Variants in NECTIN1 observed in about 807,000 individuals in gnomAD.
The protein encoded by NECTIN1 is nectin-1.
Under a neutral mutation model 48.0 loss-of-function variants are expected in NECTIN1, and 23 were observed. That is an observed-to-expected ratio of 0.48 (90% CI 0.34 to 0.68). The LOEUF is 0.68. Among genes scored for constraint, NECTIN1 ranks in the 30% least tolerant of loss-of-function variants. The pLI is 0.01. For synonymous variants in NECTIN1, 270 were observed against 288.9 expected (o/e 0.93, Z 0.66); for missense variants, 591 against 709.9 (o/e 0.83, Z 1.90).
intron 1 of NECTIN1, among the ~76,000 whole-genome samples, chr11:119,695,649 G>A (rs1865330195): frequency 6.6e-6 from 1 of 152,198 alleles, no homozygotes; most frequent in Non-Finnish European, 1.5e-5. Context: ...GACTTCTTAG[G>A]AAGCTGAGTG....
chr11:119,677,315 A>G lies in NECTIN1; in HGVS notation c.734-96T>C. ...AGGAAGGGATGGAAGGAGCAGTGGC[A>G]TGGAAACAGCCAGGAGAGAGGGAAG... On this transcript the variant is annotated intron_variant, in intron 3 of 5. Transcript: ENST00000264025. This position sits in a 1 kb window ranked among gnomAD's most constrained non-coding sequence, Gnocchi z 5.4. The G allele has an allele frequency of 8.5e-7, 1 of 1,174,654 alleles. No individual in the cohort carries two copies. Among genetic ancestry groups the G allele is most frequent in the South Asian group, 1.2e-5 (1 of 81,930 alleles). The allele number at this position is 1,174,654 out of a possible 1,614,324, so 72.8% of individuals were successfully genotyped here.
downstream of NECTIN1, among the ~76,000 whole-genome samples, chr11:119,656,096 A>G (rs1383622277): frequency 6.6e-6 from 1 of 151,504 alleles, no homozygotes; most frequent in Non-Finnish European, 1.5e-5. Context: ...AAGTCTCGCT[A>G]TGTCACTCAG....
intron 1 of NECTIN1, among the ~76,000 whole-genome samples, 176 bp downstream of exon 1, chr11:119,728,299 G>T (rs552597520): frequency 1.3e-5 from 2 of 152,352 alleles, no homozygotes; most frequent in African/African-American, 4.8e-5. Flanking sequence ...AGGGCAGGCG[G>T]TTCGGCTTCT....
chr11:119,660,411 A>G (rs1177185809), downstream of NECTIN1, among the ~76,000 whole-genome samples: 3 of 147,008 alleles, frequency 2.0e-5, no homozygotes, highest in Admixed American at 6.7e-5. Context: ...GGGGGGGTAC[A>G]GGAGGGGTGG....
At chr11:119,668,450 A>T (rs1299589910) in intron 5 of NECTIN1, among the ~76,000 whole-genome samples, 1 of 152,084 alleles carries the variant, frequency 6.6e-6, no homozygotes, top group Admixed American at 6.5e-5. Flanking sequence ...AGCTTCCATC[A>T]TGCAACCGTA....
Position 119,665,016 on chromosome 11 carries a change from CG to C in NECTIN1, c.1284del (p.Gly429AlafsTer169), listed in dbSNP as rs1565382782. On this transcript the variant is annotated frameshift_variant, in exon 6 of 6. Coordinates refer to ENST00000264025, the MANE Select transcript of NECTIN1 (RefSeq NM_002855.5). LOFTEE classifies it high-confidence loss of function. This position sits in a 1 kb window ranked among gnomAD's most constrained non-coding sequence, Gnocchi z 5.1. ...TCATAGCTGCTTCCACCCAGTGGGC[CG>C]GCCTTCTTCTCGTCGTCTGAGTCGT... is the stretch of plus-strand genomic sequence containing the variant. ...YPDDSDDEKKAGPLGGSSYEE... is the reference protein window; with the variant it reads ...YPDDSDDEKKXGPLGGSSYEE... 1 of 1,613,814 alleles carries C rather than the reference CG, an allele frequency of 6.2e-7. No homozygotes were observed.
chr11:119,665,239 C>T lies in NECTIN1; in HGVS notation c.1062G>A (p.Thr354=), dbSNP rs1864744758. The T allele has an allele frequency of 1.9e-6, 3 of 1,601,050 alleles. No individual in the cohort carries two copies. The highest frequency in any genetic ancestry group is 1.7e-5 in the Admixed American group (1 of 59,914). The change falls in exon 6 of 6, where the codon ACG becomes ACA. Residue 354 remains threonine, a synonymous_variant. Transcript: ENST00000264025. This position sits in a 1 kb window ranked among gnomAD's most constrained non-coding sequence, Gnocchi z 5.1. ...TCCCCGCCACGCCCCCAATGATGGCCGTGGGCACCGGCCCGGCGCGCCGCC... is the reference window on the plus strand; with the variant it reads ...TCCCCGCCACGCCCCCAATGATGGCTGTGGGCACCGGCCCGGCGCGCCGCC... ...EHGRRAGPVP[T]AIIGGVAGSI...
chr11:119,717,930 C>T (rs11217425), intron 1 of NECTIN1, among the ~76,000 whole-genome samples: 1,658 of 152,350 alleles, frequency 0.011, 37 homozygotes, highest in African/African-American at 0.037. Flanking sequence ...AGGAGCTGAT[C>T]ACATAGCTCT....
chr11:119,682,788 AG>A (rs776163185), intron 1 of NECTIN1, among the ~76,000 whole-genome samples: 4 of 152,174 alleles, frequency 2.6e-5, no homozygotes, highest in Non-Finnish European at 5.9e-5. Context: ...ATGAAGCAAC[AG>A]GCCTCCCTCC....
Position 119,664,034 on chromosome 11 carries a change from A to G in NECTIN1, c.*713T>C, listed in dbSNP as rs1864716445. The G allele has an allele frequency of 1.0e-6, 1 of 985,838 alleles. No individual in the cohort carries two copies. The highest frequency in any genetic ancestry group is 1.7e-5 in the African/African-American group (1 of 57,318). 61.1% of individuals were successfully genotyped at this position (985,838 alleles called of 1,614,324 possible). On this transcript the variant is annotated 3_prime_UTR_variant, in exon 6 of 6. Transcript: ENST00000264025. ...CTGGAGCCCCTAATGGAGGGGGCAC[A>G]TTGGGGATAAAGAGGGGACGCGTCA...
intron 1 of NECTIN1, among the ~76,000 whole-genome samples, chr11:119,722,792 A>T (rs562940954): frequency 1.3e-5 from 2 of 152,242 alleles, no homozygotes; most frequent in Non-Finnish European, 2.9e-5. Flanking sequence ...CACGAGTAGC[A>T]GACTCAGAGG....
rs907229127 is a variant in NECTIN1, at chr11:119,684,902, C to T, written c.80-6137G>A. Among the ~76,000 whole-genome samples the T allele has an allele frequency of 3.9e-5, 6 of 152,182 alleles. No homozygotes were observed. The highest frequency in any genetic ancestry group is 2.6e-4 in the Admixed American group (4 of 15,282). ...CACTGAGCTTGTCCTGTCTCATTTC[C>T]CCATTAGTCCAGGAGATTCACGGGT... On this transcript the variant is annotated intron_variant, in intron 1 of 5. Transcript: ENST00000264025. The surrounding 1 kb of genome is among the most constrained non-coding windows in gnomAD (Gnocchi z 5.2).
chr11:119,667,830 G>C (rs540724625), intron 5 of NECTIN1, among the ~76,000 whole-genome samples: 9 of 152,154 alleles, frequency 5.9e-5, no homozygotes, highest in South Asian at 4.2e-4. Context: ...AATTATTTAG[G>C]GTACATAGTT....
chr11:119,663,196 A>G lies in NECTIN1; in HGVS notation c.*1551T>C. The G allele has an allele frequency of 1.0e-6, 1 of 985,478 alleles. No individual in the cohort carries two copies. The highest frequency in any genetic ancestry group is 1.2e-6 in the Non-Finnish European group (1 of 829,950). 61.0% of individuals were successfully genotyped at this position (985,478 alleles called of 1,614,324 possible). ...AGTGGGCAGGCATGAAGGGCCGCGA[A>G]GCCTGCCTCTCCATCCCAGGGTCCT... is the stretch of plus-strand genomic sequence containing the variant. On this transcript the variant is annotated 3_prime_UTR_variant, in exon 6 of 6. Transcript: ENST00000264025.
chr11:119,697,712 C>T lies in NECTIN1; in HGVS notation c.80-18947G>A, dbSNP rs150667693. 9.6e-3 allele frequency among the ~76,000 whole-genome samples: 1,455 copies of T among 152,278 alleles called. 18 individuals are homozygous for T. The highest frequency in any genetic ancestry group is 0.01 in the Non-Finnish European group (710 of 68,026). ...GCTAAAGGGTGGTGGATCCAGAACC[C>T]GAACCTGAGTCTTCTGGTTGTGGTC... On this transcript the variant is annotated intron_variant, in intron 1 of 5. Transcript: ENST00000264025.
chr11:119,639,892 T>C (rs1376679931), exon 6 of NECTIN1: 2 of 1,614,176 alleles, frequency 1.2e-6, no homozygotes, highest in Admixed American at 3.3e-5. Flanking sequence ...CGGTGGGCTC[T>C]TCTGCTGCCG....
In NECTIN1 at chr11:119,678,794, A is replaced by G; in HGVS notation, c.80-29T>C. On this transcript the variant is annotated intron_variant, in intron 1 of 5. Coordinates refer to ENST00000264025, the MANE Select transcript of NECTIN1 (RefSeq NM_002855.5). The surrounding 1 kb of genome is among the most constrained non-coding windows in gnomAD (Gnocchi z 4.4). ...GCCAGGAGGATGGCAGCAAGTGGTC[A>G]GTGTCAGGCACAGCCTCCCCCCACC... 6.5e-7 allele frequency: 1 copy of G among 1,527,628 alleles called. No homozygotes were observed. The highest frequency in any genetic ancestry group is 9.0e-7 in the Non-Finnish European group (1 of 1,117,248). 94.6% of individuals were successfully genotyped at this position (1,527,628 alleles called of 1,614,324 possible).
intron 5 of NECTIN1, among the ~76,000 whole-genome samples, chr11:119,651,849 T>C (rs1358174286): frequency 6.6e-6 from 1 of 152,128 alleles, no homozygotes; most frequent in Non-Finnish European, 1.5e-5. Flanking sequence ...TGCTTTGTCT[T>C]CAGGAGCAAC....
At chr11:119,639,749 G>A in intron 6 of NECTIN1, 1 of 1,362,006 alleles carries the variant, frequency 7.3e-7, no homozygotes, top group Non-Finnish European at 1.0e-6. Context: ...CCAGGGTGGG[G>A]AGGCCCTAGA....
Sources: gnomAD v4.1 joint callset for allele counts (sites outside exome capture counted in the v4.1 genomes callset) on GRCh38, gnomAD v4.1.1 for gene constraint, Gnocchi (gnomAD v3.1) non-coding constraint, MANE v1.5 for transcripts, NCBI Gene and HGNC (gene_info 2026-07-23, HGNC 2026-07-21) for gene names.